CACNA2D2: variants seen among roughly 807,000 people sequenced by gnomAD.
The protein encoded by CACNA2D2 is calcium voltage-gated channel auxiliary subunit alpha2delta 2.
Under a neutral mutation model 166.4 loss-of-function variants are expected in CACNA2D2, and 48 were observed. The observed-to-expected ratio is 0.29, with a 90% CI of 0.23 to 0.37. The LOEUF (loss-of-function observed/expected upper bound fraction) is 0.37. Ranked by LOEUF, CACNA2D2 falls within the 10% of genes least tolerant of loss-of-function variation. CACNA2D2 has a pLI of 1.00. For missense variants in CACNA2D2, 1,122 were observed against 1,433.0 expected, an observed-to-expected ratio of 0.78 and a Z score of 3.50; for synonymous variants, 561 against 573.7, an observed-to-expected ratio of 0.98 and a Z score of 0.32.
chr3:50,441,119 G>A (rs1294715832), intron 2 of CACNA2D2, among the ~76,000 whole-genome samples: 1 of 152,046 alleles, frequency 6.6e-6, no homozygotes, highest in East Asian at 1.9e-4. Flanking sequence ...AGGTGGTGGG[G>A]ACAGGGGGAT....
chr3:50,503,314 G>T lies in CACNA2D2; in HGVS notation c.110C>A (p.Thr37Lys). 2 of 731,926 alleles carry T rather than the reference G, an allele frequency of 2.7e-6. No individual in the cohort carries two copies. Among genetic ancestry groups the T allele is most frequent in the Non-Finnish European group, 3.7e-6 (2 of 547,626 alleles). The allele number at this position is 731,926 out of a possible 1,614,324, so 45.3% of individuals were successfully genotyped here. ...CCACAGCGGGCGCGGGGGCCCGGAC[G>T]TCGGGCGCCGGGTGCCGGGGCCAGG... ...PHPGPGTRRP[T>K]SGPPRPLWLL... The change falls in exon 1 of 38, where the codon ACG (threonine) becomes AAG (lysine). Residue 37 changes from threonine (T) to lysine (K), a missense_variant. Physicochemically the swap from Thr to Lys is moderately conservative, Grantham distance 78 (BLOSUM62 -1). Coordinates refer to ENST00000424201, the MANE Select transcript of CACNA2D2 (RefSeq NM_006030.4).
At chr3:50,384,442 G>C in intron 5 of CACNA2D2, 105 bp from the exon 6 acceptor site, 1 of 1,295,590 alleles carries the variant, frequency 7.7e-7, no homozygotes, top group Non-Finnish European at 1.1e-6. Flanking sequence ...AGGAGATAGG[G>C]GCATCTCAAA....
At position 50,387,592 on chromosome 3, in the gene CACNA2D2, A is replaced by G. The variant is rs749785319; in HGVS notation, c.486T>C (p.Tyr162=). ...CCAGCTCAGCGTCAGCCTTGGCGTC[A>G]TAGTACACGATGTCTTCCTCCTGGT... is the stretch of plus-strand genomic sequence containing the variant. The part of the protein sequence containing the change: ...DNIKEEDIVY[Y]DAKADAELDD... Residue 162 remains tyrosine, a synonymous_variant, in exon 5 of 38, where the codon TAT becomes TAC. Transcript: ENST00000424201. 2.5e-6 allele frequency: 4 copies of G among 1,613,688 alleles called. No individual in the cohort carries two copies. The African/African-American group carries it at 4.0e-5, about 16-fold the overall frequency.
At chr3:50,464,084 C>T (rs1283410360) in intron 2 of CACNA2D2, among the ~76,000 whole-genome samples, 1 of 152,226 alleles carries the variant, frequency 6.6e-6, no homozygotes, top group East Asian at 1.9e-4. Context: ...CCTCCATCAC[C>T]CAGGCCTTGA....
At chr3:50,491,512 G>A (rs995575598) in intron 1 of CACNA2D2, among the ~76,000 whole-genome samples, 10 of 152,200 alleles carry the variant, frequency 6.6e-5, no homozygotes, top group South Asian at 4.1e-4. Flanking sequence ...CTCTGCCCAC[G>A]TACTGCTAGG....
chr3:50,376,418 G>C lies in CACNA2D2; in HGVS notation c.1627-230C>G, dbSNP rs1553728746. 6.6e-6 allele frequency among the ~76,000 whole-genome samples: 1 copy of C among 152,178 alleles called. No individual in the cohort carries two copies. The highest frequency in any genetic ancestry group is 1.5e-5 in the Non-Finnish European group (1 of 68,014). On this transcript the variant is annotated intron_variant, in intron 17 of 37. Transcript: ENST00000424201. This position sits in a 1 kb window ranked among gnomAD's most constrained non-coding sequence, Gnocchi z 4.3. ...GCCAAGGCTAACCGGCGTGTGGGCTGCTGCTCTGCAGTCCTCATCCTCTCC... is the reference window on the plus strand; with the variant it reads ...GCCAAGGCTAACCGGCGTGTGGGCTCCTGCTCTGCAGTCCTCATCCTCTCC...
At chr3:50,436,241 T>C (rs1279768714) in intron 2 of CACNA2D2, among the ~76,000 whole-genome samples, 1 of 152,122 alleles carries the variant, frequency 6.6e-6, no homozygotes, top group Admixed American at 6.5e-5. Flanking sequence ...CCCGACCCAT[T>C]TGCACCAGCA....
intron 3 of CACNA2D2, among the ~76,000 whole-genome samples, chr3:50,413,144 T>C (rs1707103598): frequency 6.6e-6 from 1 of 151,768 alleles, no homozygotes; most frequent in Non-Finnish European, 1.5e-5. Context: ...GCCACCTCTG[T>C]GTTAAACCTA....
intron 3 of CACNA2D2, among the ~76,000 whole-genome samples, chr3:50,400,030 A>G (rs1193119114): frequency 6.6e-6 from 1 of 152,170 alleles, no homozygotes; most frequent in Non-Finnish European, 1.5e-5. Flanking sequence ...TTCCCTCCCA[A>G]CTTGTGGGTC....
intron 1 of CACNA2D2, among the ~76,000 whole-genome samples, chr3:50,500,407 G>A (rs555777706): frequency 2.0e-5 from 3 of 152,300 alleles, no homozygotes; most frequent in African/African-American, 7.2e-5. Flanking sequence ...TGGGGGCACT[G>A]GAGAACAGGG....
intron 2 of CACNA2D2, among the ~76,000 whole-genome samples, chr3:50,451,638 G>A (rs1487483820): frequency 2.6e-5 from 4 of 152,240 alleles, no homozygotes; most frequent in South Asian, 2.1e-4. Context: ...GGGTTTTATC[G>A]ATGGTACAGA....
chr3:50,406,690 T>C (rs1706729673), intron 3 of CACNA2D2, among the ~76,000 whole-genome samples: 1 of 151,684 alleles, frequency 6.6e-6, no homozygotes, highest in Non-Finnish European at 1.5e-5. Context: ...AGTCATCACT[T>C]CCATCATCAC....
intron 2 of CACNA2D2, among the ~76,000 whole-genome samples, chr3:50,464,126 A>G (rs1322365520): frequency 3.3e-5 from 5 of 152,186 alleles, no homozygotes; most frequent in African/African-American, 9.7e-5. Context: ...TTGAGACTGA[A>G]GCCCCCCCAG....
intron 1 of CACNA2D2, among the ~76,000 whole-genome samples, chr3:50,490,160 G>A (rs1295378178): frequency 2.0e-5 from 3 of 152,016 alleles, no homozygotes; most frequent in Non-Finnish European, 4.4e-5. Flanking sequence ...GCAGACGGCT[G>A]GGAAGCCAGG....
chr3:50,436,681 T>G (rs191985701), intron 2 of CACNA2D2, among the ~76,000 whole-genome samples: 2 of 152,366 alleles, frequency 1.3e-5, no homozygotes, highest in East Asian at 3.9e-4. Flanking sequence ...TGTGCTGTTG[T>G]TACGGCTATT....
chr3:50,380,618 T>G lies in CACNA2D2; in HGVS notation c.842+130A>C. Reference sequence around the variant, plus strand: ...GATCCATTTTCCAGTGGCAACCATGTGTGAAATGAAAATTGGATACAGCTG... The same window carrying G: ...GATCCATTTTCCAGTGGCAACCATGGGTGAAATGAAAATTGGATACAGCTG... On this transcript the variant is annotated intron_variant, in intron 8 of 37. Coordinates refer to ENST00000424201, the MANE Select transcript of CACNA2D2 (RefSeq NM_006030.4). This position sits in a 1 kb window ranked among gnomAD's most constrained non-coding sequence, Gnocchi z 4.9. 1 of 727,976 alleles carries G rather than the reference T, an allele frequency of 1.4e-6. No individual in the cohort carries two copies. The highest frequency in any genetic ancestry group is 2.2e-6 in the Non-Finnish European group (1 of 457,994). The allele number at this position is 727,976 out of a possible 1,614,324, so 45.1% of individuals were successfully genotyped here. A position where few individuals can be genotyped will look rare whatever the true frequency, so the allele number is the denominator to read the frequency against.
In CACNA2D2 at chr3:50,476,163, G is replaced by A. The variant is rs374658103; in HGVS notation, c.243C>T (p.Val81=). The change falls in exon 2 of 38, where the codon GTC becomes GTT. Residue 81 remains valine, a synonymous_variant. Transcript: ENST00000424201. ...QHWARRLEQE[V]DGVMRIFGGV... is the part of the protein sequence containing the mutation. ...CTCCAAAAATCCGCATCACGCCGTC[G>A]ACCTCCTGCTCCAGACGCCGGGCCC... The A allele has an allele frequency of 3.9e-5, 63 of 1,601,496 alleles. No individual in the cohort carries two copies. The Admixed American group carries it at 4.4e-4, about 11-fold the overall frequency.
At chr3:50,422,276 A>C (rs1707606003) in intron 3 of CACNA2D2, among the ~76,000 whole-genome samples, 1 of 152,078 alleles carries the variant, frequency 6.6e-6, no homozygotes. Context: ...AGAACTTGGA[A>C]CCTGGCTCCC....
rs1704081618 is a variant in CACNA2D2, at chr3:50,364,128, T to G, written c.*538A>C. ...TGACTATCCTGACACCTGGTGGGCT[T>G]GGGGATGTGGCTGTAGGCCTGAAAG... On this transcript the variant is annotated 3_prime_UTR_variant, in exon 38 of 38. Transcript: ENST00000424201. The G allele has an allele frequency of 6.4e-6, 1 of 156,932 alleles. No individual in the cohort carries two copies. Among genetic ancestry groups the G allele is most frequent in the African/African-American group, 2.4e-5 (1 of 41,648 alleles). 9.7% of individuals were successfully genotyped at this position (156,932 alleles called of 1,614,324 possible).
Sources: allele counts gnomAD v4.1 joint callset (sites outside exome capture counted in the v4.1 genomes callset), GRCh38; gene constraint gnomAD v4.1.1; non-coding constraint Gnocchi (gnomAD v3.1); transcripts MANE v1.5; gene names NCBI Gene and HGNC (gene_info 2026-07-23, HGNC 2026-07-21).